Variants in EPHA6 observed in about 807,000 individuals in gnomAD.
EPHA6 encodes ephrin type-A receptor 6.
In EPHA6, 50 loss-of-function variants were observed where a neutral mutation model predicts 112.0. That is an observed-to-expected ratio of 0.45 (90% CI 0.36 to 0.56). EPHA6 has a LOEUF of 0.56. EPHA6 is among the 20% of genes least tolerant of loss of function. EPHA6 has a pLI of 0.00. For synonymous variants in EPHA6, 529 were observed against 490.7 expected (o/e 1.08, Z -1.03); for missense variants, 1,280 against 1,417.4 (o/e 0.90, Z 1.56).
At chr3:97,119,112 T>C (rs1398407863) in intron 3 of EPHA6, among the ~76,000 whole-genome samples, 1 of 151,994 alleles carries the variant, frequency 6.6e-6, no homozygotes, top group African/African-American at 2.4e-5. Context: ...AGCCATTGTG[T>C]TAGCCAGGCT....
intron 1 of EPHA6, among the ~76,000 whole-genome samples, chr3:96,827,669 A>T (rs2033753789): frequency 6.6e-6 from 1 of 152,142 alleles, no homozygotes; most frequent in African/African-American, 2.4e-5. Context: ...CAATAATTAT[A>T]TCCAAGGATT....
intron 12 of EPHA6, among the ~76,000 whole-genome samples, chr3:97,595,578 G>A (rs1437232914): frequency 6.6e-6 from 1 of 151,974 alleles, no homozygotes; most frequent in African/African-American, 2.4e-5. Context: ...CCGGTACGTG[G>A]AAGTTGCAGT....
chr3:97,226,469 T>A, intron 4 of EPHA6, 50 bp downstream of exon 4: 1 of 1,489,102 alleles, frequency 6.7e-7, no homozygotes, highest in Non-Finnish European at 9.1e-7. Context: ...ACCCTTTTGG[T>A]CTTTTCATTC....
intron 13 of EPHA6, among the ~76,000 whole-genome samples, chr3:97,634,924 C>T (rs938386912): frequency 3.3e-5 from 5 of 150,742 alleles, no homozygotes; most frequent in African/African-American, 1.2e-4. Flanking sequence ...CAAGGACATT[C>T]TTAAGAAAAC....
At chr3:97,260,549 A>G (rs2079467620) in intron 5 of EPHA6, among the ~76,000 whole-genome samples, 1 of 152,226 alleles carries the variant, frequency 6.6e-6, no homozygotes, top group South Asian at 2.1e-4. Context: ...GAGATTTCCC[A>G]GTAGGTTAAG....
chr3:97,614,143 G>A (rs1016482691), intron 13 of EPHA6, among the ~76,000 whole-genome samples: 1 of 151,622 alleles, frequency 6.6e-6, no homozygotes, highest in African/African-American at 2.4e-5. Flanking sequence ...AAGTTTTAGG[G>A]TACATGTGCT....
intron 11 of EPHA6, among the ~76,000 whole-genome samples, chr3:97,537,171 A>G (rs2092775987): frequency 6.6e-6 from 1 of 152,218 alleles, no homozygotes; most frequent in Non-Finnish European, 1.5e-5. Flanking sequence ...TTTTTCTGTA[A>G]GTAAAATCAA....
At chr3:97,624,260 T>C (rs1246423318) in intron 13 of EPHA6, among the ~76,000 whole-genome samples, 1 of 151,626 alleles carries the variant, frequency 6.6e-6, no homozygotes, top group Non-Finnish European at 1.5e-5. Flanking sequence ...CTGTGATGAG[T>C]TTTGTCAAAT....
intron 7 of EPHA6, among the ~76,000 whole-genome samples, chr3:97,467,482 A>G (rs535053405): frequency 6.6e-6 from 1 of 151,974 alleles, no homozygotes; most frequent in African/African-American, 2.4e-5. Context: ...ACCAATGTGC[A>G]AATATCTACT....
At chr3:97,501,930 C>A (rs1263688104) in intron 10 of EPHA6, among the ~76,000 whole-genome samples, 1 of 151,926 alleles carries the variant, frequency 6.6e-6, no homozygotes, top group Non-Finnish European at 1.5e-5. Context: ...AAGAGGCTGG[C>A]AAGTCCAGTT....
intron 6 of EPHA6, among the ~76,000 whole-genome samples, chr3:97,408,517 G>A (rs1259461462): frequency 4.0e-5 from 6 of 151,518 alleles, no homozygotes; most frequent in Admixed American, 6.6e-5. Flanking sequence ...AGTCTGTTTC[G>A]GCTATGTGAT....
chr3:96,996,103 A>G (rs1317994786), intron 3 of EPHA6, among the ~76,000 whole-genome samples: 1 of 152,128 alleles, frequency 6.6e-6, no homozygotes, highest in Non-Finnish European at 1.5e-5. Flanking sequence ...CAATATTCAC[A>G]GTGTCTTTAC....
intron 13 of EPHA6, among the ~76,000 whole-genome samples, chr3:97,613,300 C>T (rs2093736102): frequency 6.6e-6 from 1 of 152,100 alleles, no homozygotes; most frequent in Non-Finnish European, 1.5e-5. Context: ...AGCTTTAGAA[C>T]ATAATCACAG....
At chr3:96,942,708 C>CCATCACCATGTATGGTGTTTTGTTGT (rs2041038059) in intron 2 of EPHA6, among the ~76,000 whole-genome samples, 1 of 152,226 alleles carries the variant, frequency 6.6e-6, no homozygotes, top group African/African-American at 2.4e-5. Context: ...CTGCTTTGCT[C>CCATCACCATGTATGGTGTTTTGTTGT]ATGCTGGGAG....
chr3:97,479,577 G>T (rs2091471592), intron 9 of EPHA6, among the ~76,000 whole-genome samples: 1 of 152,040 alleles, frequency 6.6e-6, no homozygotes, highest in African/African-American at 2.4e-5. Context: ...AATTCTGCTT[G>T]CTGGAAAACA....
intron 5 of EPHA6, among the ~76,000 whole-genome samples, chr3:97,363,760 C>A (rs1057434829): frequency 6.6e-6 from 1 of 151,734 alleles, no homozygotes; most frequent in African/African-American, 2.4e-5. Context: ...ACCCAAATGT[C>A]CATTAAAAGA....
chr3:97,186,977 T>C (rs1399542697), intron 3 of EPHA6, among the ~76,000 whole-genome samples: 1 of 152,146 alleles, frequency 6.6e-6, no homozygotes, highest in Non-Finnish European at 1.5e-5. Context: ...TAGAAGACCA[T>C]ATCACACCTT....
At chr3:97,601,797 C>G (rs1312675910) in intron 12 of EPHA6, among the ~76,000 whole-genome samples, 1 of 152,010 alleles carries the variant, frequency 6.6e-6, no homozygotes, top group Non-Finnish European at 1.5e-5. Flanking sequence ...ATTAAAATCA[C>G]TCTGTAAATT....
chr3:97,531,166 A>G (rs181139219), intron 10 of EPHA6, among the ~76,000 whole-genome samples: 5 of 152,124 alleles, frequency 3.3e-5, no homozygotes, highest in Non-Finnish European at 5.9e-5. Flanking sequence ...TATGGGAATG[A>G]GAGATTATAG....
Sources: gnomAD v4.1 joint callset for allele counts (sites outside exome capture counted in the v4.1 genomes callset) on GRCh38, gnomAD v4.1.1 for gene constraint, MANE v1.5 for transcripts, NCBI Gene and HGNC (gene_info 2026-07-23, HGNC 2026-07-21) for gene names.